Variants in SLC38A10 observed in about 807,000 individuals in gnomAD.
SLC38A10 encodes solute carrier family 38 member 10.
SLC38A10 carries 53 observed loss-of-function variants against 81.0 expected under a neutral mutation model. That is an observed-to-expected ratio of 0.65 (90% confidence interval 0.53 to 0.82). The LOEUF (loss-of-function observed/expected upper bound fraction) is 0.82, where lower values mean the gene tolerates loss of function less well. Among genes scored for constraint, SLC38A10 ranks in the 40% least tolerant of loss-of-function variants. The pLI is 0.00. For synonymous variants in SLC38A10, 665 were observed against 655.3 expected (o/e 1.01, Z -0.23); for missense variants, 1,471 against 1,545.0 (o/e 0.95, Z 0.80).
At chr17:81,280,920 G>A (rs1009107360) in intron 5 of SLC38A10, among the ~76,000 whole-genome samples, 187 bp from the exon 6 acceptor site, 45 of 145,774 alleles carry the variant, frequency 3.1e-4, no homozygotes, top group African/African-American at 9.9e-4. Context: ...GGGAGACCCC[G>A]CGCCTTTCTG....
In SLC38A10 at chr17:81,284,894, T is replaced by C; in HGVS notation, c.219A>G (p.Ala73=). 2 of 1,544,570 alleles carry C rather than the reference T, an allele frequency of 1.3e-6. No individual in the cohort carries two copies. The highest frequency in any genetic ancestry group is 1.7e-6 in the Non-Finnish European group (2 of 1,143,554). The change falls in exon 3 of 16, where the codon GCA becomes GCG. Residue 73 remains alanine, a splice_region_variant and synonymous_variant. Transcript: ENST00000374759. ...TGCCTGCCTTCCCGTAGGCGTGGAATGCTAGTGCAAAAGAAAAAGGAACAC... is the reference window on the plus strand; with the variant it reads ...TGCCTGCCTTCCCGTAGGCGTGGAACGCTAGTGCAAAAGAAAAAGGAACAC... ...LSKRRTYAGL[A]FHAYGKAGKM...
chr17:81,282,962 C>A (rs1046394818), intron 4 of SLC38A10, among the ~76,000 whole-genome samples: 1 of 152,188 alleles, frequency 6.6e-6, no homozygotes, highest in African/African-American at 2.4e-5. Flanking sequence ...GGTGTGTGGG[C>A]CCGTCAGGTG....
chr17:81,256,522 C>T (rs961965987), intron 11 of SLC38A10, among the ~76,000 whole-genome samples: 23 of 152,206 alleles, frequency 1.5e-4, no homozygotes, highest in Non-Finnish European at 4.4e-5. Context: ...TCACATCAGA[C>T]GGCCCCCAGA....
In SLC38A10 at chr17:81,290,264, C is replaced by T. The variant is rs534056155; in HGVS notation, c.100-456G>A. On this transcript the variant is annotated intron_variant, in intron 1 of 15. Coordinates refer to ENST00000374759, the MANE Select transcript of SLC38A10 (RefSeq NM_001037984.3). ...GGGATTAACTGCACCCCTAGGTATT[C>T]ACTTACCAAGAGGAATGAAAACGTG... Among the ~76,000 whole-genome samples the T allele has an allele frequency of 2.7e-4, 41 of 152,278 alleles. No homozygotes were observed. In the South Asian group the frequency reaches 4.6e-3, roughly 17 times the overall value.
chr17:81,247,139 G>C (rs2146875977), intron 14 of SLC38A10, 78 bp from the exon 15 acceptor site: 2 of 1,425,872 alleles, frequency 1.4e-6, no homozygotes, highest in Non-Finnish European at 1.9e-6. Flanking sequence ...GCGGCCCACA[G>C]CAAGGCAACG....
At chr17:81,255,685 C>T (rs917192163) in intron 11 of SLC38A10, among the ~76,000 whole-genome samples, 6 of 152,214 alleles carry the variant, frequency 3.9e-5, no homozygotes, top group Non-Finnish European at 7.3e-5. Context: ...CAACCATCCT[C>T]CCTCATTTGG....
intron 13 of SLC38A10, 39 bp from the exon 14 acceptor site, chr17:81,251,651 A>T (rs1326923115): frequency 6.8e-7 from 1 of 1,461,814 alleles, no homozygotes; most frequent in East Asian, 2.4e-5. Context: ...TTTGCAGGAA[A>T]GTCAAGGGAG....
At chr17:81,250,471 G>A (rs996951755) in intron 14 of SLC38A10, among the ~76,000 whole-genome samples, 3 of 152,360 alleles carry the variant, frequency 2.0e-5, no homozygotes, top group East Asian at 1.9e-4. Flanking sequence ...TGTGTCTTAC[G>A]AACATCCTGG....
intron 8 of SLC38A10, among the ~76,000 whole-genome samples, chr17:81,274,414 T>A (rs1299525469): frequency 6.6e-6 from 1 of 152,214 alleles, no homozygotes; most frequent in Non-Finnish European, 1.5e-5. Context: ...CCGCCCCCAA[T>A]GTGGCTGCTG....
Position 81,246,059 on chromosome 17 carries a change from G to T in SLC38A10, c.2857C>A (p.Gln953Lys). The T allele has an allele frequency of 6.2e-7, 1 of 1,609,620 alleles. No individual in the cohort carries two copies. Residue 953 changes from glutamine (Q) to lysine (K), a missense_variant, in exon 16 of 16, where the codon CAG (glutamine) becomes AAG (lysine). By Grantham distance (53) the Gln-to-Lys change is moderately conservative. Transcript: ENST00000374759. Reference protein sequence around the residue: ...GGAEGAAAQPQAVLRQPELRV... With the variant: ...GGAEGAAAQPKAVLRQPELRV... ...AGTTCCGGCTGGCGTAACACAGCCTGGGGCTGTGCAGCTGCTCCTTCCGCC... is the reference window on the plus strand; with the variant it reads ...AGTTCCGGCTGGCGTAACACAGCCTTGGGCTGTGCAGCTGCTCCTTCCGCC...
intron 1 of SLC38A10, among the ~76,000 whole-genome samples, chr17:81,293,986 G>A (rs916571219): frequency 2.6e-5 from 4 of 152,138 alleles, no homozygotes; most frequent in Admixed American, 6.5e-5. Context: ...CTGTGGTAAC[G>A]TCTGCACACA....
chr17:81,270,281 A>C lies in SLC38A10; in HGVS notation c.1131+637T>G, dbSNP rs1157069710. On this transcript the variant is annotated intron_variant, in intron 10 of 15. Coordinates refer to ENST00000374759, the MANE Select transcript of SLC38A10 (RefSeq NM_001037984.3). The surrounding 1 kb of genome is among the most constrained non-coding windows in gnomAD (Gnocchi z 4.0). ...AGGCTTCCTACAGACGCGTGCTCAA[A>C]TACGTCGACATGCTCATGAACACAG... Among the ~76,000 whole-genome samples the C allele has an allele frequency of 6.6e-6, 1 of 152,224 alleles. No individual in the cohort carries two copies. The highest frequency in any genetic ancestry group is 2.4e-5 in the African/African-American group (1 of 41,466).
Position 81,253,354 on chromosome 17 carries a change from C to G in SLC38A10, c.1289-114G>C, listed in dbSNP as rs76611814. The G allele has an allele frequency of 1.5e-6, 2 of 1,312,096 alleles. No homozygotes were observed. The highest frequency in any genetic ancestry group is 2.5e-5 in the East Asian group (1 of 40,414). The allele number at this position is 1,312,096 out of a possible 1,614,324, so 81.3% of individuals were successfully genotyped here. On this transcript the variant is annotated intron_variant, in intron 11 of 15. Transcript: ENST00000374759. The surrounding 1 kb of genome is among the most constrained non-coding windows in gnomAD (Gnocchi z 4.1). Reference sequence around the variant, plus strand: ...CCAAATGGCAGAGTCAAAGCAGTTTCTTTTTCCTGTTCGATCATTAGCAGC... The same window carrying G: ...CCAAATGGCAGAGTCAAAGCAGTTTGTTTTTCCTGTTCGATCATTAGCAGC...
chr17:81,279,531 G>C (rs1459057288), intron 6 of SLC38A10, among the ~76,000 whole-genome samples: 1 of 152,242 alleles, frequency 6.6e-6, no homozygotes, highest in Non-Finnish European at 1.5e-5. Context: ...GGATGTCCCT[G>C]CTGGGGAGAA....
chr17:81,289,574 A>G lies in SLC38A10; in HGVS notation c.217+117T>C. ...TGCAGCATTACATTTTAAAATAAAA[A>G]AAACCCTGCTATCCAAGGAATTCTT... On this transcript the variant is annotated intron_variant, in intron 2 of 15. Transcript: ENST00000374759. This position sits in a 1 kb window ranked among gnomAD's most constrained non-coding sequence, Gnocchi z 5.9. 2.7e-6 allele frequency: 2 copies of G among 735,242 alleles called. No individual in the cohort carries two copies. Among genetic ancestry groups the G allele is most frequent in the Non-Finnish European group, 4.0e-6 (2 of 496,762 alleles). The allele number at this position is 735,242 out of a possible 1,614,324, so 45.5% of individuals were successfully genotyped here.
Position 81,276,954 on chromosome 17 carries a change from G to T in SLC38A10, c.729+77C>A. 2 of 1,413,612 alleles carry T rather than the reference G, an allele frequency of 1.4e-6. No individual in the cohort carries two copies. The highest frequency in any genetic ancestry group is 2.8e-5 in the African/African-American group (2 of 70,930). The allele number at this position is 1,413,612 out of a possible 1,614,324, so 87.6% of individuals were successfully genotyped here. A position where few individuals can be genotyped will look rare whatever the true frequency, so the allele number is the denominator to read the frequency against. On this transcript the variant is annotated intron_variant, in intron 7 of 15. Transcript: ENST00000374759. The surrounding 1 kb of genome is among the most constrained non-coding windows in gnomAD (Gnocchi z 4.7). ...AGCACACAGGGCCAGGGCCATGCCT[G>T]TGGCAGTCCCACGGGGCACCACGGC... is the stretch of plus-strand genomic sequence containing the variant.
rs763822845 is a variant in SLC38A10 at position 81,246,237 on chromosome 17, T to C, written c.2679A>G (p.Lys893=). 2.3e-5 allele frequency: 37 copies of C among 1,612,670 alleles called. No individual in the cohort carries two copies. The South Asian group carries it at 4.0e-4, about 17-fold the overall frequency. Residue 893 remains lysine, a synonymous_variant, in exon 16 of 16, where the codon AAA becomes AAG. Coordinates refer to ENST00000374759, the MANE Select transcript of SLC38A10 (RefSeq NM_001037984.3). The part of the protein sequence containing the change: ...QDVTGGSQDR[K]KPGKEVAATG... ...TGGCTGCCACCTCCTTCCCAGGTTTTTTCCTGTCTTGGGAACCGCCAGTAA... is the reference window on the plus strand; with the variant it reads ...TGGCTGCCACCTCCTTCCCAGGTTTCTTCCTGTCTTGGGAACCGCCAGTAA...
In SLC38A10 at chr17:81,252,637, A is replaced by T; in HGVS notation, c.1503T>A (p.Val501=). 6.2e-7 allele frequency: 1 copy of T among 1,611,842 alleles called. No homozygotes were observed. Among genetic ancestry groups the T allele is most frequent in the South Asian group, 1.1e-5 (1 of 91,048 alleles). ...VGEAHRHEPP[V]PHDKVVVDEG... is the part of the protein sequence containing the mutation. ...CATCTACCACCACCTTGTCGTGAGGAACAGGAGGCTCGTGGCGGTGGGCCT... is the reference window on the plus strand; with the variant it reads ...CATCTACCACCACCTTGTCGTGAGGTACAGGAGGCTCGTGGCGGTGGGCCT... The change falls in exon 13 of 16, where the codon GTT becomes GTA. Residue 501 remains valine, a synonymous_variant. Coordinates refer to ENST00000374759, the MANE Select transcript of SLC38A10 (RefSeq NM_001037984.3).
Position 81,272,475 on chromosome 17 carries a change from G to A in SLC38A10, c.1024+41C>T, listed in dbSNP as rs200165869. The stretch of plus-strand genomic sequence containing the variant: ...AGGTCTTGGTTGATGCCGAAGCCCC[G>A]GGTCCCACTCCCCGGCAACAGGGCA... On this transcript the variant is annotated intron_variant, in intron 9 of 15. Coordinates refer to ENST00000374759, the MANE Select transcript of SLC38A10 (RefSeq NM_001037984.3). 1.5e-3 allele frequency: 2,035 copies of A among 1,375,456 alleles called. 29 individuals carry two copies. The African/African-American group carries it at 0.028, about 19-fold the overall frequency. The allele number at this position is 1,375,456 out of a possible 1,614,324, so 85.2% of individuals were successfully genotyped here. A position where few individuals can be genotyped will look rare whatever the true frequency, so the allele number is the denominator to read the frequency against.
Sources: allele counts gnomAD v4.1 joint callset (sites outside exome capture counted in the v4.1 genomes callset), GRCh38; gene constraint gnomAD v4.1.1; non-coding constraint Gnocchi (gnomAD v3.1); transcripts MANE v1.5; gene names NCBI Gene and HGNC (gene_info 2026-07-23, HGNC 2026-07-21).